Variants in TBC1D5 observed in about 807,000 individuals in gnomAD.
TBC1D5 encodes TBC1 domain family member 5.
In TBC1D5, 75 loss-of-function variants were observed where a neutral mutation model predicts 100.3. That is an observed-to-expected ratio of 0.75 (90% CI 0.62 to 0.91). The LOEUF (loss-of-function observed/expected upper bound fraction) is 0.91, where lower values mean the gene tolerates loss of function less well. Among genes scored for constraint, TBC1D5 ranks in the 40% least tolerant of loss-of-function variants. TBC1D5 has a pLI of 0.00. For synonymous variants in TBC1D5, 323 were observed against 325.6 expected (o/e 0.99, Z 0.09); for missense variants, 910 against 942.4 (o/e 0.97, Z 0.45).
chr3:17,691,462 T>C (rs1414017689), intron 1 of TBC1D5, among the ~76,000 whole-genome samples: 1 of 152,192 alleles, frequency 6.6e-6, no homozygotes, highest in Admixed American at 6.5e-5. Context: ...ATTCCATATT[T>C]AAAGCATTCT....
At chr3:17,564,204 A>T (rs1368091186) in intron 2 of TBC1D5, among the ~76,000 whole-genome samples, 1 of 152,262 alleles carries the variant, frequency 6.6e-6, no homozygotes, top group Non-Finnish European at 1.5e-5. Flanking sequence ...ATTGGAGGAA[A>T]AAAACGACCT....
At chr3:17,382,080 C>A (rs894728760) in intron 9 of TBC1D5, among the ~76,000 whole-genome samples, 3 of 151,982 alleles carry the variant, frequency 2.0e-5, no homozygotes, top group African/African-American at 7.2e-5. Context: ...CCCTTTCCCA[C>A]AAATTCTATG....
chr3:17,307,488 C>T (rs1272640757), intron 14 of TBC1D5, among the ~76,000 whole-genome samples: 1 of 152,082 alleles, frequency 6.6e-6, no homozygotes, highest in Non-Finnish European at 1.5e-5. Flanking sequence ...AACACGTCTA[C>T]CATTCAGCAC....
At chr3:17,471,823 CAAGA>C (rs1457876902) in intron 3 of TBC1D5, among the ~76,000 whole-genome samples, 1 of 151,478 alleles carries the variant, frequency 6.6e-6, no homozygotes, top group Non-Finnish European at 1.5e-5. Flanking sequence ...AAATTAAAAA[CAAGA>C]AAGAAACTAC....
Position 17,558,685 on chromosome 3 carries a change from G to C in TBC1D5, c.-35-50080C>G, listed in dbSNP as rs1053158016. On this transcript the variant is annotated intron_variant, in intron 2 of 21. Transcript: ENST00000253692. ...GCAACATTATTCTGAAAAAGAACTA[G>C]ACATAGTAAATATCTTAGGCTCTGT... Among the ~76,000 whole-genome samples the C allele has an allele frequency of 3.9e-5, 6 of 152,190 alleles. No homozygotes were observed. The East Asian group carries it at 7.7e-4, about 20-fold the overall frequency.
At chr3:17,576,249 G>C (rs1314331390) in intron 2 of TBC1D5, among the ~76,000 whole-genome samples, 1 of 152,036 alleles carries the variant, frequency 6.6e-6, no homozygotes, top group Non-Finnish European at 1.5e-5. Flanking sequence ...AATGATGGGG[G>C]TTGAGAGGTG....
At chr3:17,233,355 G>A (rs1274500820) in intron 17 of TBC1D5, among the ~76,000 whole-genome samples, 2 of 152,160 alleles carry the variant, frequency 1.3e-5, no homozygotes, top group African/African-American at 4.8e-5. Flanking sequence ...GAGCACCAGT[G>A]TAACAAAAAG....
At chr3:17,407,127 T>C (rs1364843355) in intron 4 of TBC1D5, among the ~76,000 whole-genome samples, 1 of 152,158 alleles carries the variant, frequency 6.6e-6, no homozygotes, top group Admixed American at 6.6e-5. Flanking sequence ...TAAAAACTGT[T>C]AAAGGCAAGC....
chr3:17,634,589 G>A (rs1488148421), intron 1 of TBC1D5, among the ~76,000 whole-genome samples: 1 of 147,602 alleles, frequency 6.8e-6, no homozygotes, highest in Non-Finnish European at 1.5e-5. Flanking sequence ...AAGCGTAGCA[G>A]GAAGGAATAG....
intron 3 of TBC1D5, among the ~76,000 whole-genome samples, chr3:17,496,884 C>T (rs1229025340): frequency 6.6e-6 from 1 of 152,160 alleles, no homozygotes; most frequent in Non-Finnish European, 1.5e-5. Context: ...ATAATCTGCA[C>T]TCTTCAGCCT....
At chr3:17,632,634 C>T (rs2063592617) in intron 1 of TBC1D5, among the ~76,000 whole-genome samples, 1 of 152,172 alleles carries the variant, frequency 6.6e-6, no homozygotes, top group South Asian at 2.1e-4. Context: ...CAACCTTCAG[C>T]AACCACCACC....
intron 18 of TBC1D5, among the ~76,000 whole-genome samples, chr3:17,209,811 T>G (rs1186121725): frequency 1.3e-5 from 2 of 152,254 alleles, no homozygotes; most frequent in Non-Finnish European, 2.9e-5. Context: ...TCTTAATTTG[T>G]TAAAATATAG....
chr3:17,725,383 A>C (rs1311980353), intron 1 of TBC1D5, among the ~76,000 whole-genome samples: 1 of 152,054 alleles, frequency 6.6e-6, no homozygotes, highest in Non-Finnish European at 1.5e-5. Context: ...TTAGGAGCGA[A>C]GAAGTATTTT....
chr3:17,436,696 T>C (rs1183798507), intron 3 of TBC1D5, among the ~76,000 whole-genome samples: 2 of 152,118 alleles, frequency 1.3e-5, no homozygotes, highest in Non-Finnish European at 2.9e-5. Context: ...CCATATAATT[T>C]CATGAACTTA....
chr3:17,360,203 G>T (rs2091574012), intron 13 of TBC1D5, among the ~76,000 whole-genome samples: 1 of 151,936 alleles, frequency 6.6e-6, no homozygotes, highest in Non-Finnish European at 1.5e-5. Flanking sequence ...TTCTGGGAAA[G>T]TTTTATTTTT....
At chr3:17,399,226 TG>T (rs1204847863) in intron 8 of TBC1D5, among the ~76,000 whole-genome samples, 2 of 152,154 alleles carry the variant, frequency 1.3e-5, no homozygotes, top group African/African-American at 4.8e-5. Flanking sequence ...TAGAAAGTTC[TG>T]GATTAGGCAA....
intron 3 of TBC1D5, among the ~76,000 whole-genome samples, chr3:17,447,372 G>A (rs1024295917): frequency 2.0e-5 from 3 of 152,150 alleles, no homozygotes; most frequent in Non-Finnish European, 2.9e-5. Flanking sequence ...TAGAAACACA[G>A]GGGTTGAATA....
chr3:17,357,525 G>A (rs2091325054), intron 13 of TBC1D5, among the ~76,000 whole-genome samples: 1 of 152,184 alleles, frequency 6.6e-6, no homozygotes, highest in Admixed American at 6.5e-5. Context: ...GTAGAGAAAA[G>A]GGAGTTACTT....
intron 1 of TBC1D5, among the ~76,000 whole-genome samples, chr3:17,695,941 G>A (rs1242717119): frequency 1.3e-5 from 2 of 152,114 alleles, no homozygotes; most frequent in African/African-American, 2.4e-5. Context: ...AGGATTAAGA[G>A]AGTCATCAAA....
Sources: allele counts gnomAD v4.1 joint callset (sites outside exome capture counted in the v4.1 genomes callset), GRCh38; gene constraint gnomAD v4.1.1; transcripts MANE v1.5; gene names NCBI Gene and HGNC (gene_info 2026-07-23, HGNC 2026-07-21).